The following CHI3L1 variants were observed in gnomAD, a reference collection of about 807,000 sequenced individuals.
CHI3L1 encodes the protein chitinase 3 like 1.
In CHI3L1, 30 loss-of-function variants were observed where a neutral mutation model predicts 40.7. The observed-to-expected ratio is 0.74, with a 90% CI of 0.55 to 1.00. CHI3L1 has a LOEUF of 1.00. Among genes scored for constraint, CHI3L1 ranks in the 50% least tolerant of loss-of-function variants. The pLI, the probability that CHI3L1 is intolerant of heterozygous loss-of-function variation, is 0.00. For synonymous variants in CHI3L1, 210 were observed against 192.1 expected (o/e 1.09, Z -0.77); for missense variants, 493 against 492.2 (o/e 1.00, Z -0.01).
At chr1:203,185,450 G>T in intron 2 of CHI3L1, 65 bp from the exon 3 acceptor site, 1 of 1,431,708 alleles carries the variant, frequency 7.0e-7, no homozygotes, top group South Asian at 1.2e-5. Context: ...GCTGAGCCCA[G>T]AGCTGAGCAC....
chr1:203,184,002 C>T (rs947172450), intron 4 of CHI3L1, among the ~76,000 whole-genome samples: 13 of 152,196 alleles, frequency 8.5e-5, no homozygotes, highest in Admixed American at 7.8e-4. Context: ...ACTTACTAGC[C>T]AGCCACTGTG....
chr1:203,186,181 G>A (rs1194005981), intron 2 of CHI3L1, 135 bp downstream of exon 2: 14 of 882,004 alleles, frequency 1.6e-5, no homozygotes, highest in East Asian at 2.7e-5. Flanking sequence ...TTTAGCAAAC[G>A]TGACTATTTC....
rs1656034354 is a variant in CHI3L1, at chr1:203,185,330, G to A, written c.111C>T (p.Gly37=). Residue 37 remains glycine (G), a synonymous_variant, in exon 3 of 10, where the codon GGC becomes GGT. Coordinates refer to ENST00000255409, the MANE Select transcript of CHI3L1 (RefSeq NM_001276.4). ...YYTSWSQYRE[G]DGSCFPDALD... ...GGGCATCTGGGAAGCAGCTCCCATC[G>A]CCTTCCCGGTACTGGGACCAGCTGG... 13 of 1,614,198 alleles carry A rather than the reference G, an allele frequency of 8.1e-6. No homozygotes were observed. The highest frequency in any genetic ancestry group is 1.3e-5 in the African/African-American group (1 of 75,058).
At chr1:203,179,975 T>G in intron 8 of CHI3L1, 98 bp from the exon 9 acceptor site, 1 of 1,094,556 alleles carries the variant, frequency 9.1e-7, no homozygotes, top group Non-Finnish European at 1.4e-6. Context: ...TAGCTCCTGC[T>G]CCATCCTGCA....
Position 203,181,259 on chromosome 1 carries a change from G to A in CHI3L1, c.614C>T (p.Thr205Ile), listed in dbSNP as rs1389045845. 9 of 1,614,050 alleles carry A rather than the reference G, an allele frequency of 5.6e-6. No homozygotes were observed. The highest frequency in any genetic ancestry group is 3.3e-5 in the South Asian group (3 of 91,064). ...ACGCCAGGCTCCATGAAAATCGTAG[G>A]TCATGATGCTAATGAAATCCAGGTG... is the stretch of plus-strand genomic sequence containing the variant. ...SQHLDFISIM[T>I]YDFHGAWRGT... The change falls in exon 7 of 10, where the codon ACC becomes ATC. Residue 205 changes from threonine (T) to isoleucine (I), a missense_variant. Transcript: ENST00000255409.
intron 7 of CHI3L1, among the ~76,000 whole-genome samples, chr1:203,180,924 G>C (rs367824402): frequency 1.3e-5 from 2 of 152,120 alleles, no homozygotes; most frequent in African/African-American, 4.8e-5. Flanking sequence ...CTACCTCCTC[G>C]GCTCCCAGCC....
chr1:203,182,487 T>G (rs1292483020), intron 6 of CHI3L1, among the ~76,000 whole-genome samples: 1 of 152,250 alleles, frequency 6.6e-6, no homozygotes, highest in African/African-American at 2.4e-5. Flanking sequence ...CTCTCTCAAC[T>G]GCTCAGCCAA....
rs184188852 is a variant in CHI3L1 at position 203,184,565 on chromosome 1, G to C, written c.314+11C>G. The stretch of plus-strand genomic sequence containing the variant: ...TCCTCTGCCGTCCTGCCCCTGGGGA[G>C]AGGCTCCTACCTTTGAGACCCAAAG... On this transcript the variant is annotated intron_variant, in intron 4 of 9. Coordinates refer to ENST00000255409, the MANE Select transcript of CHI3L1 (RefSeq NM_001276.4). 2.0e-4 allele frequency: 329 copies of C among 1,612,200 alleles called. No individual in the cohort carries two copies. Among genetic ancestry groups the C allele is most frequent in the East Asian group, 4.0e-4 (18 of 44,866 alleles).
rs781063344 is a variant in CHI3L1 at position 203,183,698 on chromosome 1, G to A, written c.408C>T (p.Asp136=). The part of the protein sequence containing the change: ...FLRTHGFDGL[D]LAWLYPGRRD... ...TCCGTCCAGGGTAGAGCCAGGCAAG[G>A]TCCAGCCCATCAAAGCCATGGGTGC... The change falls in exon 5 of 10, where the codon GAC becomes GAT. Residue 136 remains aspartate, a synonymous_variant. Coordinates refer to ENST00000255409, the MANE Select transcript of CHI3L1 (RefSeq NM_001276.4). 2.6e-5 allele frequency: 42 copies of A among 1,614,042 alleles called. No homozygotes were observed. Among genetic ancestry groups the A allele is most frequent in the Admixed American group, 5.0e-5 (3 of 59,998 alleles).
chr1:203,183,781 T>C lies in CHI3L1; in HGVS notation c.325A>G (p.Ile109Val). Residue 109 changes from isoleucine (I) to valine (V), a missense_variant, in exon 5 of 10, where the codon ATA becomes GTA. Coordinates refer to ENST00000255409, the MANE Select transcript of CHI3L1 (RefSeq NM_001276.4). ...WNFGSQRFSK[I>V]ASNTQSRRTF... ...CGGCGACTCTGGGTGTTGGAGGCTA[T>C]CTTGGAAAATCTAGGACCAAAATCA... 1 of 1,614,178 alleles carries C rather than the reference T, an allele frequency of 6.2e-7. No individual in the cohort carries two copies. Among genetic ancestry groups the C allele is most frequent in the East Asian group, 2.2e-5 (1 of 44,872 alleles).
At chr1:203,181,081 C>T (rs1571827165) in intron 7 of CHI3L1, 81 bp downstream of exon 7, 2 of 1,561,020 alleles carry the variant, frequency 1.3e-6, no homozygotes. Flanking sequence ...GTACTGAGGG[C>T]TAGAGAGATT....
At position 203,186,657 on chromosome 1, in the gene CHI3L1, T is replaced by A; in HGVS notation, c.-34A>T. 1 of 1,613,880 alleles carries A rather than the reference T, an allele frequency of 6.2e-7. No homozygotes were observed. Among genetic ancestry groups the A allele is most frequent in the Non-Finnish European group, 8.5e-7 (1 of 1,179,898 alleles). On this transcript the variant is annotated 5_prime_UTR_variant, in exon 1 of 10. Coordinates refer to ENST00000255409, the MANE Select transcript of CHI3L1 (RefSeq NM_001276.4). Reference sequence around the variant, plus strand: ...CAGCAGAGCAGGGCAGGGTGTGGCCTCTTCCCTTGCCCACGGCTCCTGGTG... The same window carrying A: ...CAGCAGAGCAGGGCAGGGTGTGGCCACTTCCCTTGCCCACGGCTCCTGGTG...
chr1:203,186,268 C>A, intron 2 of CHI3L1, 48 bp downstream of exon 2: 1 of 1,557,658 alleles, frequency 6.4e-7, no homozygotes, highest in Non-Finnish European at 8.7e-7. Flanking sequence ...TGCCCTGTGC[C>A]CTCGCCACGC....
rs2102207910 is a variant in CHI3L1 at position 203,183,775 on chromosome 1, A to C, written c.331T>G (p.Ser111Ala). 4 of 1,614,148 alleles carry C rather than the reference A, an allele frequency of 2.5e-6. No individual in the cohort carries two copies. In the East Asian group the frequency reaches 8.9e-5, roughly 36 times the overall value. The change falls in exon 5 of 10, where the codon TCC becomes GCC. Residue 111 changes from serine (S) to alanine (A), a missense_variant. Physicochemically the swap from Ser to Ala is moderately conservative, Grantham distance 99. Coordinates refer to ENST00000255409, the MANE Select transcript of CHI3L1 (RefSeq NM_001276.4). Reference protein sequence around the residue: ...FGSQRFSKIASNTQSRRTFIK... With the variant: ...FGSQRFSKIAANTQSRRTFIK... ...AAAGTCCGGCGACTCTGGGTGTTGG[A>C]GGCTATCTTGGAAAATCTAGGACCA...
In CHI3L1 at chr1:203,180,514, G is replaced by C; in HGVS notation, c.850C>G (p.Pro284Ala). 5.6e-6 allele frequency: 9 copies of C among 1,609,236 alleles called. No individual in the cohort carries two copies. The highest frequency in any genetic ancestry group is 1.7e-5 in the Admixed American group (1 of 58,620). The change falls in exon 8 of 10, where the codon CCA becomes GCA. Residue 284 changes from proline (P) to alanine (A), a missense_variant. Coordinates refer to ENST00000255409, the MANE Select transcript of CHI3L1 (RefSeq NM_001276.4). ...CCTGCCTCCTTGGTGAACCGGCCTGGAATTCCCGGTCCTGAGATTGGGGCT... is the reference window on the plus strand; with the variant it reads ...CCTGCCTCCTTGGTGAACCGGCCTGCAATTCCCGGTCCTGAGATTGGGGCT... ...VGAPISGPGIPGRFTKEAGTL... is the reference protein window; with the variant it reads ...VGAPISGPGIAGRFTKEAGTL...
rs747694558 is a variant in CHI3L1, at chr1:203,182,764, A to T, written c.554T>A (p.Ile185Asn). The T allele has an allele frequency of 6.2e-7, 1 of 1,614,120 alleles. No homozygotes were observed. The highest frequency in any genetic ancestry group is 1.7e-5 in the Admixed American group (1 of 60,024). The change falls in exon 6 of 10, where the codon ATT (isoleucine) becomes AAT (asparagine). Residue 185 changes from isoleucine (I) to asparagine (N), a missense_variant. Physicochemically the swap from Ile to Asn is moderately radical, Grantham distance 149. Transcript: ENST00000255409. ...SAALSAGKVT[I>N]DSSYDIAKIS... ...CTTGGCAATGTCATAGCTGCTGTCA[A>T]TGGTGACCTTCCCCGCAGACAGTGC...
intron 4 of CHI3L1, 107 bp from the exon 5 acceptor site, chr1:203,183,898 C>T (rs1395931583): frequency 3.1e-5 from 40 of 1,285,814 alleles, no homozygotes; most frequent in African/African-American, 7.3e-5. Flanking sequence ...TGAGGCCACA[C>T]AGCTCTGGGA....
chr1:203,181,403 A>G, intron 6 of CHI3L1, 118 bp from the exon 7 acceptor site: 1 of 1,132,420 alleles, frequency 8.8e-7, no homozygotes, highest in Non-Finnish European at 1.2e-6. Context: ...CAGGTGGATC[A>G]TGAGGTGAGG....
rs905993607 is a variant in CHI3L1, at chr1:203,179,167, G to T, written c.*278C>A. The T allele has an allele frequency of 1.0e-5, 3 of 290,620 alleles. No homozygotes were observed. Among genetic ancestry groups the T allele is most frequent in the African/African-American group, 4.3e-5 (2 of 46,258 alleles). The allele number at this position is 290,620 out of a possible 1,614,324, so 18.0% of individuals were successfully genotyped here. ...GGAGTTGAAGAAATTCCCTTGCCAG[G>T]CTTGGGGATCTGTAAACATTTCCAT... is the stretch of plus-strand genomic sequence containing the variant. On this transcript the variant is annotated 3_prime_UTR_variant, in exon 10 of 10. Coordinates refer to ENST00000255409, the MANE Select transcript of CHI3L1 (RefSeq NM_001276.4).
Sources: gnomAD v4.1 joint callset for allele counts (sites outside exome capture counted in the v4.1 genomes callset) on GRCh38, gnomAD v4.1.1 for gene constraint, MANE v1.5 for transcripts, NCBI Gene and HGNC (gene_info 2026-07-23, HGNC 2026-07-21) for gene names.